Variants in ARHGAP25 observed in about 807,000 individuals in gnomAD.
ARHGAP25 encodes Rho GTPase activating protein 25.
Under a neutral mutation model 71.0 loss-of-function variants are expected in ARHGAP25, and 34 were observed. The ratio of observed to expected loss-of-function variants is 0.48; its 90% CI spans 0.36 to 0.64. ARHGAP25 has a LOEUF of 0.64. ARHGAP25 is among the 30% of genes least tolerant of loss of function. ARHGAP25 has a pLI of 0.00. For synonymous variants in ARHGAP25, 282 were observed against 296.5 expected, an observed-to-expected ratio of 0.95 and a Z score of 0.50; for missense variants, 706 against 805.1, an observed-to-expected ratio of 0.88 and a Z score of 1.49.
At chr2:68,712,431 G>T (rs527356643) in intron 2 of ARHGAP25, among the ~76,000 whole-genome samples, 53 of 152,266 alleles carry the variant, frequency 3.5e-4, no homozygotes, top group Admixed American at 7.8e-4. Context: ...TGGATAGATT[G>T]CAAAAATTTT....
intron 2 of ARHGAP25, among the ~76,000 whole-genome samples, chr2:68,721,914 C>A (rs1674771915): frequency 6.6e-6 from 1 of 152,228 alleles, no homozygotes; most frequent in South Asian, 2.1e-4. Flanking sequence ...CACTTCCTCT[C>A]ACCCAGTGTG....
chr2:68,813,846 G>C (rs917866452), intron 6 of ARHGAP25, among the ~76,000 whole-genome samples: 5 of 152,194 alleles, frequency 3.3e-5, no homozygotes, highest in Non-Finnish European at 5.9e-5. Flanking sequence ...AAGAAGGACA[G>C]GGAGGGTTTT....
Position 68,734,838 on chromosome 2 carries a change from A to G in ARHGAP25, c.-362A>G, listed in dbSNP as rs2104275093. On this transcript the variant is annotated 5_prime_UTR_variant, in exon 1 of 11. Coordinates refer to ENST00000409202, the MANE Select transcript of ARHGAP25 (RefSeq NM_001007231.3). ...TTGTTTATCACGACCTCAACTCAGT[A>G]AGGCCTGAGATTCTTTCGAAAAGGA... 4 of 286,566 alleles carry G rather than the reference A, an allele frequency of 1.4e-5. No homozygotes were observed. In the South Asian group the frequency reaches 2.2e-4, roughly 16 times the overall value. The allele number at this position is 286,566 out of a possible 1,614,324, so 17.8% of individuals were successfully genotyped here.
chr2:68,765,080 C>T (rs2104351354), intron 1 of ARHGAP25, among the ~76,000 whole-genome samples: 1 of 152,272 alleles, frequency 6.6e-6, no homozygotes, highest in South Asian at 2.1e-4. Context: ...GTTTCTGCTG[C>T]CCTTTCTCTC....
intron 9 of ARHGAP25, among the ~76,000 whole-genome samples, chr2:68,820,717 G>A (rs1681583996): frequency 6.6e-6 from 1 of 152,102 alleles, no homozygotes; most frequent in South Asian, 2.1e-4. Context: ...GAGAAGTTCT[G>A]CTCCCTCCCG....
chr2:68,820,274 A>G (rs1681548686), intron 9 of ARHGAP25, among the ~76,000 whole-genome samples: 1 of 152,228 alleles, frequency 6.6e-6, no homozygotes, highest in Admixed American at 6.5e-5. Flanking sequence ...GGCAGGCACT[A>G]TGCTGGGAAA....
intron 5 of ARHGAP25, among the ~76,000 whole-genome samples, chr2:68,808,215 A>G (rs1680519493): frequency 6.6e-6 from 1 of 152,112 alleles, no homozygotes; most frequent in Non-Finnish European, 1.5e-5. Flanking sequence ...GCCTGCGTGA[A>G]CTTGTCCTGC....
Position 68,809,708 on chromosome 2 carries a change from A to G in ARHGAP25, c.674+2228A>G, listed in dbSNP as rs535383213. ...GGAAGAAGGGGTATTTGGGAGAGCA[A>G]GGAGCTCCCTCTTGCTGTCCCCAAC... On this transcript the variant is annotated intron_variant, in intron 5 of 10. Coordinates refer to ENST00000409202, the MANE Select transcript of ARHGAP25 (RefSeq NM_001007231.3). Among the ~76,000 whole-genome samples, 26 of 152,210 alleles carry G rather than the reference A, an allele frequency of 1.7e-4. No homozygotes were observed. The East Asian group carries it at 5.0e-3, about 29-fold the overall frequency.
chr2:68,772,662 C>T (rs1677564170), intron 1 of ARHGAP25, among the ~76,000 whole-genome samples: 1 of 152,240 alleles, frequency 6.6e-6, no homozygotes, highest in African/African-American at 2.4e-5. Flanking sequence ...GAACTGTATA[C>T]AGTCCTTCAA....
chr2:68,812,413 GCCTC>G (rs1327477530), intron 5 of ARHGAP25, among the ~76,000 whole-genome samples: 8 of 152,152 alleles, frequency 5.3e-5, no homozygotes, highest in Non-Finnish European at 8.8e-5. Context: ...GAACAGCCGT[GCCTC>G]TTTCAGTCAA....
At chr2:68,719,609 C>T (rs779890535) in intron 2 of ARHGAP25, among the ~76,000 whole-genome samples, 13 of 152,004 alleles carry the variant, frequency 8.6e-5, no homozygotes, top group Non-Finnish European at 1.8e-4. Context: ...TGGATATCCT[C>T]GGGGGCTGTT....
chr2:68,719,598 G>A (rs2104254232), intron 2 of ARHGAP25, among the ~76,000 whole-genome samples: 1 of 152,046 alleles, frequency 6.6e-6, no homozygotes, highest in East Asian at 1.9e-4. Flanking sequence ...GGATTAGGAT[G>A]TGGATATCCT....
intron 10 of ARHGAP25, among the ~76,000 whole-genome samples, chr2:68,824,916 A>C (rs997924103): frequency 1.3e-5 from 2 of 152,116 alleles, no homozygotes; most frequent in African/African-American, 4.8e-5. Context: ...TCCCTTGTGC[A>C]AATGGGCAGG....
chr2:68,774,954 G>A (rs781263876), intron 1 of ARHGAP25: 230 of 1,416,006 alleles, frequency 1.6e-4, no homozygotes, highest in Non-Finnish European at 2.0e-4. Context: ...GACGGGGCCC[G>A]CCGCGGTGCC....
chr2:68,746,669 A>G (rs1190695255), intron 1 of ARHGAP25, among the ~76,000 whole-genome samples: 1 of 149,324 alleles, frequency 6.7e-6, no homozygotes, highest in Non-Finnish European at 1.5e-5. Context: ...ATGGAGGGAG[A>G]AGGGGCATGG....
At chr2:68,787,533 C>T (rs1454843200) in intron 3 of ARHGAP25, among the ~76,000 whole-genome samples, 1 of 152,228 alleles carries the variant, frequency 6.6e-6, no homozygotes, top group Admixed American at 6.5e-5. Context: ...GCTGAAACTG[C>T]ACCATGAACT....
chr2:68,747,499 A>G (rs1346923266), intron 1 of ARHGAP25, among the ~76,000 whole-genome samples: 1 of 152,222 alleles, frequency 6.6e-6, no homozygotes, highest in Admixed American at 6.5e-5. Context: ...CCCAGGGCTC[A>G]GTCCCCCGTC....
At chr2:68,815,236 G>A (rs1681112295) in intron 6 of ARHGAP25, among the ~76,000 whole-genome samples, 2 of 152,174 alleles carry the variant, frequency 1.3e-5, no homozygotes, top group Admixed American at 6.5e-5. Context: ...GCAGCTAGGA[G>A]GGGTGAGTCT....
At chr2:68,752,322 T>C (rs1165518557) in intron 1 of ARHGAP25, among the ~76,000 whole-genome samples, 1 of 149,512 alleles carries the variant, frequency 6.7e-6, no homozygotes, top group African/African-American at 2.6e-5. Context: ...TTCTTCAAGA[T>C]AGAAAAAAAA....
Sources: allele counts gnomAD v4.1 joint callset (sites outside exome capture counted in the v4.1 genomes callset), GRCh38; gene constraint gnomAD v4.1.1; transcripts MANE v1.5; gene names NCBI Gene and HGNC (gene_info 2026-07-23, HGNC 2026-07-21).